Variants in PHACTR3 observed in about 807,000 individuals in gnomAD.
PHACTR3 encodes phosphatase and actin regulator 3, also known as protein phosphatase 1, regulatory subunit 123.
Under a neutral mutation model 66.8 loss-of-function variants are expected in PHACTR3, and 16 were observed. The observed-to-expected ratio is 0.24, with a 90% confidence interval of 0.16 to 0.36. PHACTR3 has a LOEUF of 0.36. PHACTR3 is among the 10% of genes least tolerant of loss of function. The pLI is 1.00. For missense variants in PHACTR3, 647 were observed against 719.9 expected, an observed-to-expected ratio of 0.90 and a Z score of 1.16; for synonymous variants, 323 against 292.1, an observed-to-expected ratio of 1.11 and a Z score of -1.08.
At chr20:59,591,198 C>T (rs892723814) in intron 1 of PHACTR3, among the ~76,000 whole-genome samples, 4 of 152,228 alleles carry the variant, frequency 2.6e-5, no homozygotes, top group Admixed American at 6.5e-5. Flanking sequence ...CTGCCCTTGA[C>T]AGGGCTCTGG....
intron 7 of PHACTR3, among the ~76,000 whole-genome samples, chr20:59,778,100 A>T (rs1454917054): frequency 6.6e-6 from 1 of 152,166 alleles, no homozygotes; most frequent in Non-Finnish European, 1.5e-5. Context: ...TCGCGGGTCC[A>T]GCCAACTCCC....
At chr20:59,776,912 G>A (rs2040559151) in intron 7 of PHACTR3, among the ~76,000 whole-genome samples, 2 of 152,190 alleles carry the variant, frequency 1.3e-5, no homozygotes, top group Admixed American at 1.3e-4. Flanking sequence ...GCTCAGCCAG[G>A]TGGCCTGGTC....
chr20:59,842,558 G>A (rs1011695424), intron 11 of PHACTR3, among the ~76,000 whole-genome samples: 2 of 152,128 alleles, frequency 1.3e-5, no homozygotes, highest in African/African-American at 4.8e-5. Flanking sequence ...CAGAGGCTGT[G>A]TTTGATGTTT....
At chr20:59,647,298 G>T (rs989386980) in intron 1 of PHACTR3, among the ~76,000 whole-genome samples, 4 of 152,134 alleles carry the variant, frequency 2.6e-5, no homozygotes, top group African/African-American at 9.7e-5. Context: ...CAGTAGGGGG[G>T]AACCACCCAC....
chr20:59,583,801 G>C (rs1410441673), intron 1 of PHACTR3, among the ~76,000 whole-genome samples: 1 of 152,266 alleles, frequency 6.6e-6, no homozygotes, highest in Non-Finnish European at 1.5e-5. Context: ...GCATTGGGCA[G>C]GGGGAGTTGC....
chr20:59,781,288 G>A (rs1046689098), intron 7 of PHACTR3, among the ~76,000 whole-genome samples: 1 of 152,206 alleles, frequency 6.6e-6, no homozygotes, highest in Non-Finnish European at 1.5e-5. Context: ...GGCTGGCGGG[G>A]ACCTTTGGGT....
At chr20:59,786,169 C>T (rs2040907923) in intron 7 of PHACTR3, among the ~76,000 whole-genome samples, 1 of 152,242 alleles carries the variant, frequency 6.6e-6, no homozygotes, top group South Asian at 2.1e-4. Context: ...TGCTCATTCC[C>T]CAGCTTCTGC....
chr20:59,740,158 G>C (rs568861320), intron 1 of PHACTR3, among the ~76,000 whole-genome samples: 2 of 152,122 alleles, frequency 1.3e-5, no homozygotes, highest in East Asian at 3.9e-4. Flanking sequence ...TATAAATTTT[G>C]ACCAAAAGTT....
At chr20:59,840,323 C>T (rs2059035225) in intron 9 of PHACTR3, 46 bp from the exon 10 acceptor site, 1 of 1,594,262 alleles carries the variant, frequency 6.3e-7, no homozygotes. Context: ...ACGTTTCAAC[C>T]TGTTTCTCTT....
intron 8 of PHACTR3, among the ~76,000 whole-genome samples, chr20:59,815,438 T>G (rs575533078): frequency 1.8e-4 from 27 of 150,026 alleles, no homozygotes; most frequent in Admixed American, 4.0e-4. Flanking sequence ...TTTTGTTTTT[T>G]TTTTTGAGAT....
At chr20:59,731,620 A>G (rs528532549) in intron 1 of PHACTR3, among the ~76,000 whole-genome samples, 22 of 152,232 alleles carry the variant, frequency 1.4e-4, no homozygotes, top group Non-Finnish European at 3.1e-4. Flanking sequence ...GATACTAAAC[A>G]GATGGGCTTT....
At chr20:59,825,981 G>A (rs985693156) in intron 8 of PHACTR3, among the ~76,000 whole-genome samples, 1 of 152,208 alleles carries the variant, frequency 6.6e-6, no homozygotes. Context: ...AGAAGATGCT[G>A]TCTCTGGGAA....
chr20:59,579,055 C>A (rs1024033435), intron 1 of PHACTR3, among the ~76,000 whole-genome samples: 3 of 152,212 alleles, frequency 2.0e-5, no homozygotes, highest in Non-Finnish European at 2.9e-5. Flanking sequence ...TGTCAGTGCC[C>A]TCCCCTAAAG....
At chr20:59,678,209 G>A (rs2036519535) in intron 1 of PHACTR3, among the ~76,000 whole-genome samples, 1 of 152,122 alleles carries the variant, frequency 6.6e-6, no homozygotes, top group Non-Finnish European at 1.5e-5. Context: ...GTTGAGCCCT[G>A]AGTCTATATT....
At position 59,783,442 on chromosome 20, in the gene PHACTR3, G is replaced by A. The variant is rs551189613; in HGVS notation, c.1174+8952G>A. Among the ~76,000 whole-genome samples the A allele has an allele frequency of 2.3e-4, 16 of 69,982 alleles. 1 individual carries two copies. The highest frequency in any genetic ancestry group is 4.7e-4 in the East Asian group (1 of 2,114). 45.9% of individuals were successfully genotyped at this position (69,982 alleles called of 152,430 possible). A position where few individuals can be genotyped will look rare whatever the true frequency, so the allele number is the denominator to read the frequency against. ...GCTGCCCCCCGCCCCGCCCCACCCC[G>A]GCCCTTTTTTTTGTTTGAGCTATTA... is the stretch of plus-strand genomic sequence containing the variant. On this transcript the variant is annotated intron_variant, in intron 7 of 12. Coordinates refer to ENST00000371015, the MANE Select transcript of PHACTR3 (RefSeq NM_080672.5).
intron 1 of PHACTR3, among the ~76,000 whole-genome samples, chr20:59,621,051 G>A (rs945302273): frequency 2.0e-5 from 3 of 152,302 alleles, no homozygotes; most frequent in African/African-American, 4.8e-5. Flanking sequence ...CCTTCGAGTC[G>A]GTGTCTGTGC....
intron 1 of PHACTR3, among the ~76,000 whole-genome samples, chr20:59,686,629 ATTGTGATGATGG>A (rs1320297435): frequency 6.8e-6 from 1 of 146,012 alleles, no homozygotes; most frequent in African/African-American, 2.6e-5. Flanking sequence ...GGTTGTGATG[ATTGTGATGATGG>A]TGGTGATGAT....
intron 1 of PHACTR3, among the ~76,000 whole-genome samples, chr20:59,713,566 T>C (rs987747103): frequency 6.6e-6 from 1 of 152,226 alleles, no homozygotes; most frequent in Admixed American, 6.5e-5. Context: ...TTTCTAAGAT[T>C]GGTCCATGTT....
intron 3 of PHACTR3, among the ~76,000 whole-genome samples, chr20:59,753,758 G>A (rs534242909): frequency 5.9e-5 from 9 of 152,312 alleles, no homozygotes; most frequent in East Asian, 5.8e-4. Flanking sequence ...ACAAAACACC[G>A]TTTGCAGGTG....
Sources: allele counts gnomAD v4.1 joint callset (sites outside exome capture counted in the v4.1 genomes callset), GRCh38; gene constraint gnomAD v4.1.1; transcripts MANE v1.5; gene names NCBI Gene and HGNC (gene_info 2026-07-23, HGNC 2026-07-21).